DMD: variants seen among roughly 807,000 people sequenced by gnomAD.
DMD encodes dystrophin, also known as mutant dystrophin.
DMD carries 63 observed loss-of-function variants against 330.1 expected under a neutral mutation model. The ratio of observed to expected loss-of-function variants is 0.19; its 90% confidence interval spans 0.16 to 0.24. The LOEUF (loss-of-function observed/expected upper bound fraction) is 0.24. Among genes scored for constraint, DMD ranks in the 10% least tolerant of loss-of-function variants. The pLI, the probability that DMD is intolerant of heterozygous loss-of-function variation, is 1.00. For missense variants in DMD, 3,344 were observed against 2,684.1 expected (o/e 1.25, Z -5.43); for synonymous variants, 1,223 against 959.8 (o/e 1.27, Z -5.07).
intron 60 of DMD, among the ~76,000 whole-genome samples, chrX:31,386,479 T>C (rs894009067): frequency 5.4e-5 from 6 of 112,136 alleles, no homozygotes; most frequent in Admixed American, 9.4e-5. Flanking sequence ...TTTCAGAAAA[T>C]GCCTTCCCCT....
chrX:33,144,083 G>A (rs976532193), intron 1 of DMD, among the ~76,000 whole-genome samples: 1 of 112,111 alleles, frequency 8.9e-6, no homozygotes, highest in Non-Finnish European at 1.9e-5. Context: ...TTCAACTGTG[G>A]TTTGCTTTAT....
At chrX:31,513,718 TAGC>T (rs919173443) in intron 55 of DMD, among the ~76,000 whole-genome samples, 3 of 111,382 alleles carry the variant, frequency 2.7e-5, no homozygotes, top group Admixed American at 1.9e-4. Flanking sequence ...ACAAAAACCA[TAGC>T]AGCAGCAGCA....
At chrX:32,357,602 C>T (rs1046626625) in intron 37 of DMD, among the ~76,000 whole-genome samples, 1 of 108,912 alleles carries the variant, frequency 9.2e-6, no homozygotes, top group Non-Finnish European at 1.9e-5. Context: ...TGTCATTATT[C>T]AGTGGAATTC....
chrX:31,984,215 C>A (rs980992257), intron 44 of DMD, among the ~76,000 whole-genome samples: 1 of 111,838 alleles, frequency 8.9e-6, no homozygotes, highest in African/African-American at 3.2e-5. Flanking sequence ...TAAATATAAT[C>A]ATTATGTGAA....
intron 44 of DMD, among the ~76,000 whole-genome samples, chrX:32,169,858 T>C (rs928591185): frequency 9.8e-6 from 1 of 102,070 alleles, no homozygotes; most frequent in Admixed American, 1.0e-4. Context: ...TTTCGACTTA[T>C]CTTTTTTCCC....
At chrX:33,180,320 C>T (rs1424581115) in intron 1 of DMD, among the ~76,000 whole-genome samples, 1 of 111,610 alleles carries the variant, frequency 9.0e-6, no homozygotes, top group Non-Finnish European at 1.9e-5. Context: ...ATTTTACAAA[C>T]AGAATACTTT....
intron 60 of DMD, among the ~76,000 whole-genome samples, chrX:31,416,189 A>G (rs1183270466): frequency 8.9e-6 from 1 of 112,164 alleles, no homozygotes; most frequent in East Asian, 2.8e-4. Flanking sequence ...CACAGCCTTC[A>G]TCTTATGAAA....
intron 43 of DMD, among the ~76,000 whole-genome samples, chrX:32,273,955 C>A (rs2097375186): frequency 8.9e-6 from 1 of 111,924 alleles, no homozygotes; most frequent in Non-Finnish European, 1.9e-5. Flanking sequence ...AAGAGAGTTT[C>A]TGGGAAAAGT....
intron 44 of DMD, among the ~76,000 whole-genome samples, chrX:32,070,745 T>G (rs2147787611): frequency 9.0e-6 from 1 of 111,383 alleles, no homozygotes; most frequent in African/African-American, 3.3e-5. Context: ...GCATATGTTC[T>G]CACTGATACG....
chrX:33,241,234 T>C lies in DMD; in HGVS notation c.7+98025A>G, dbSNP rs149225278. On this transcript the variant is annotated intron_variant, in intron 1 of 17. Coordinates refer to the DMD transcript ENST00000288447. ...TTAATCCATTATGAGTTAATTTTTG[T>C]ACATGGTCTGATATAAGGGTCTAAT... 3.7e-3 allele frequency among the ~76,000 whole-genome samples: 410 copies of C among 112,206 alleles called. 4 individuals carry two copies. The highest frequency in any genetic ancestry group is 0.013 in the African/African-American group (391 of 30,904).
At chrX:32,647,902 G>T (rs770810379) in intron 9 of DMD, among the ~76,000 whole-genome samples, 1 of 111,911 alleles carries the variant, frequency 8.9e-6, no homozygotes, top group East Asian at 2.8e-4. Flanking sequence ...ATGTGTAAGA[G>T]CAAACATTAT....
chrX:32,610,817 G>A (rs1282524835), intron 12 of DMD, among the ~76,000 whole-genome samples: 1 of 110,697 alleles, frequency 9.0e-6, no homozygotes, highest in Admixed American at 9.7e-5. Context: ...GGACTCTAAG[G>A]TTACTGATGC....
chrX:32,510,482 T>C lies in DMD; in HGVS notation c.2292+7526A>G, dbSNP rs180813063. Among the ~76,000 whole-genome samples, 49 of 111,965 alleles carry C rather than the reference T, an allele frequency of 4.4e-4. No homozygotes were observed. The Admixed American group carries it at 4.7e-3, about 11-fold the overall frequency. ...TGCTTTACATATTAGTCTTGCTTCA[T>C]TTCCATCTTTCCCACTAGAATGTAA... is the stretch of plus-strand genomic sequence containing the variant. On this transcript the variant is annotated intron_variant, in intron 18 of 78. Transcript: ENST00000357033.
rs754843412 is a variant in DMD, at chrX:32,263,134, T to C, written c.6290+24395A>G. Among the ~76,000 whole-genome samples the C allele has an allele frequency of 6.2e-5, 7 of 112,303 alleles. No individual in the cohort carries two copies. In the South Asian group the frequency reaches 2.6e-3, roughly 41 times the overall value. ...CAGAAATACATATCTGAAGTAATCA[T>C]TTAAATAACATTATGAAAATGTACA... On this transcript the variant is annotated intron_variant, in intron 43 of 78. Coordinates refer to ENST00000357033, the MANE Select transcript of DMD (RefSeq NM_004006.3).
chrX:31,996,192 C>G (rs767585009), intron 44 of DMD, among the ~76,000 whole-genome samples: 8 of 111,869 alleles, frequency 7.2e-5, no homozygotes, highest in Non-Finnish European at 1.3e-4. Flanking sequence ...AGTATTAGTG[C>G]TAATGTAATC....
rs1482981403 is a variant in DMD at position 31,669,529 on chromosome X, T to G, written c.7872+9846A>C. 3.6e-5 allele frequency among the ~76,000 whole-genome samples: 4 copies of G among 112,004 alleles called. No homozygotes were observed. In the East Asian group the frequency reaches 1.1e-3, roughly 31 times the overall value. On this transcript the variant is annotated intron_variant, in intron 53 of 78. Coordinates refer to ENST00000357033, the MANE Select transcript of DMD (RefSeq NM_004006.3). Reference sequence around the variant, plus strand: ...TGGGGCCAAATTTCATTATTTTTCATGTGTATATCCAGTTATTCTAGCACC... The same window carrying G: ...TGGGGCCAAATTTCATTATTTTTCAGGTGTATATCCAGTTATTCTAGCACC...
chrX:32,426,965 G>GAAAA (rs2098215675), intron 29 of DMD, among the ~76,000 whole-genome samples: 1 of 111,309 alleles, frequency 9.0e-6, no homozygotes, highest in African/African-American at 3.3e-5. Context: ...GATAGAGAAT[G>GAAAA]GGAGGAAGGG....
chrX:32,179,614 T>A (rs986949437), intron 44 of DMD, among the ~76,000 whole-genome samples: 4 of 112,124 alleles, frequency 3.6e-5, no homozygotes, highest in African/African-American at 9.7e-5. Flanking sequence ...CATACCTTGA[T>A]AATATTGATC....
At chrX:32,035,167 T>G (rs2095932032) in intron 44 of DMD, among the ~76,000 whole-genome samples, 1 of 111,734 alleles carries the variant, frequency 8.9e-6, no homozygotes, top group Admixed American at 9.6e-5. Flanking sequence ...TTATAATATC[T>G]AAATCAAAAT....
Sources: allele counts gnomAD v4.1 joint callset (sites outside exome capture counted in the v4.1 genomes callset), GRCh38; gene constraint gnomAD v4.1.1; transcripts MANE v1.5; gene names NCBI Gene and HGNC (gene_info 2026-07-23, HGNC 2026-07-21).